Variants in MAPKAP1 observed in about 807,000 individuals in gnomAD.
The protein encoded by MAPKAP1 is target of rapamycin complex 2 subunit MAPKAP1.
In MAPKAP1, 20 loss-of-function variants were observed where a neutral mutation model predicts 65.7. The ratio of observed to expected loss-of-function variants is 0.30; its 90% CI spans 0.21 to 0.44. The LOEUF is 0.44. MAPKAP1 is among the 20% of genes least tolerant of loss of function. MAPKAP1 has a pLI of 1.00. For missense variants in MAPKAP1, 423 were observed against 648.0 expected, an observed-to-expected ratio of 0.65 and a Z score of 3.77; for synonymous variants, 222 against 244.3, an observed-to-expected ratio of 0.91 and a Z score of 0.85.
At chr9:125,458,878 C>A (rs1489859863) in intron 10 of MAPKAP1, among the ~76,000 whole-genome samples, 1 of 1,574 alleles carries the variant, frequency 6.4e-4, no homozygotes, top group Non-Finnish European at 1.1e-3. Context: ...CGGACGGGGC[C>A]GCTGGCCGGG....
intron 1 of MAPKAP1, among the ~76,000 whole-genome samples, chr9:125,675,848 T>C (rs117057358): frequency 0.017 from 2,548 of 152,308 alleles, 28 homozygotes; most frequent in Non-Finnish European, 0.029. Context: ...TGATTATAAA[T>C]AAAGGATTGT....
At chr9:125,596,892 T>A (rs1266273495) in intron 4 of MAPKAP1, among the ~76,000 whole-genome samples, 3 of 151,918 alleles carry the variant, frequency 2.0e-5, no homozygotes, top group Admixed American at 2.0e-4. Flanking sequence ...TTAATGTAGA[T>A]TTCTTTTTTG....
intron 7 of MAPKAP1, among the ~76,000 whole-genome samples, chr9:125,524,673 A>C (rs570712235): frequency 2.0e-5 from 3 of 152,322 alleles, no homozygotes; most frequent in Non-Finnish European, 4.4e-5. Context: ...TAGATCTATT[A>C]TCTGGGAGCT....
intron 4 of MAPKAP1, among the ~76,000 whole-genome samples, chr9:125,625,915 T>C (rs927013423): frequency 4.6e-5 from 7 of 152,186 alleles, no homozygotes; most frequent in Middle Eastern, 6.3e-3. Context: ...GTCTGAAAAA[T>C]AGGCTACATT....
chr9:125,492,729 A>G (rs767673996), intron 8 of MAPKAP1, among the ~76,000 whole-genome samples: 1 of 152,210 alleles, frequency 6.6e-6, no homozygotes, highest in Non-Finnish European at 1.5e-5. Flanking sequence ...AAAGGCCCCA[A>G]TCTAGTTATA....
At position 125,657,767 on chromosome 9, in the gene MAPKAP1, A is replaced by AT. The variant is rs1834072479; in HGVS notation, c.381dup (p.Ser128IlefsTer28). ...GAAATTGGAGGCTTCTCTTTGAGAG[A>AT]TTTTTTTTCAAACAGTGACTTTAAC... On this transcript the variant is annotated frameshift_variant, in exon 4 of 12. Coordinates refer to ENST00000265960, the MANE Select transcript of MAPKAP1 (RefSeq NM_001006617.3). LOFTEE classifies it high-confidence loss of function. The AT allele has an allele frequency of 2.5e-6, 4 of 1,613,618 alleles. No homozygotes were observed. The highest frequency in any genetic ancestry group is 1.3e-5 in the African/African-American group (1 of 74,968).
At chr9:125,646,472 C>CA (rs1833728798) in intron 4 of MAPKAP1, among the ~76,000 whole-genome samples, 1 of 152,146 alleles carries the variant, frequency 6.6e-6, no homozygotes, top group South Asian at 2.1e-4. Context: ...GAGGACTGAA[C>CA]AAATTGCTAC....
At chr9:125,654,201 A>G (rs1253278799) in intron 4 of MAPKAP1, among the ~76,000 whole-genome samples, 1 of 152,200 alleles carries the variant, frequency 6.6e-6, no homozygotes, top group Non-Finnish European at 1.5e-5. Context: ...CTCTTGTCAC[A>G]ACCAACAGTT....
At chr9:125,602,105 T>C (rs896613868) in intron 4 of MAPKAP1, among the ~76,000 whole-genome samples, 7 of 151,818 alleles carry the variant, frequency 4.6e-5, no homozygotes, top group Non-Finnish European at 1.0e-4. Flanking sequence ...ATTTAAAAAT[T>C]AGACAGGTGT....
chr9:125,633,895 T>G (rs1833355375), intron 4 of MAPKAP1, among the ~76,000 whole-genome samples: 1 of 152,244 alleles, frequency 6.6e-6, no homozygotes, highest in Non-Finnish European at 1.5e-5. Context: ...TAATTATATC[T>G]TTGCATTCAA....
intron 7 of MAPKAP1, among the ~76,000 whole-genome samples, chr9:125,530,347 T>A (rs1363452805): frequency 6.6e-6 from 1 of 152,226 alleles, no homozygotes; most frequent in East Asian, 1.9e-4. Flanking sequence ...TGTCTGTAAT[T>A]ATAGAATCAT....
At chr9:125,543,938 C>CA (rs1414058815) in intron 6 of MAPKAP1, among the ~76,000 whole-genome samples, 4 of 152,104 alleles carry the variant, frequency 2.6e-5, no homozygotes, top group Non-Finnish European at 5.9e-5. Flanking sequence ...TGTGGGGCCG[C>CA]AGGGCAGTAA....
At chr9:125,577,349 G>C (rs2131555962) in intron 5 of MAPKAP1, among the ~76,000 whole-genome samples, 1 of 151,542 alleles carries the variant, frequency 6.6e-6, no homozygotes, top group African/African-American at 2.4e-5. Context: ...TAAGTGAGGA[G>C]CGTCTCCGCC....
rs143652031 is a variant in MAPKAP1, at chr9:125,695,537, A to G, written c.-70+11434T>C. The stretch of plus-strand genomic sequence containing the variant: ...AATGCTTTGGACAGAAGTAGTTTAC[A>G]AAAGAAACATCTTGCCTGATATTTT... On this transcript the variant is annotated intron_variant, in intron 1 of 11. Coordinates refer to ENST00000265960, the MANE Select transcript of MAPKAP1 (RefSeq NM_001006617.3). Among the ~76,000 whole-genome samples the G allele has an allele frequency of 2.9e-3, 442 of 152,334 alleles. 4 individuals carry two copies. Among genetic ancestry groups the G allele is most frequent in the South Asian group, 0.012 (57 of 4,830 alleles).
intron 11 of MAPKAP1, among the ~76,000 whole-genome samples, 194 bp downstream of exon 11, chr9:125,444,307 G>A (rs576966584): frequency 7.2e-5 from 11 of 152,340 alleles, no homozygotes; most frequent in African/African-American, 2.2e-4. Flanking sequence ...GCAGCTGAGC[G>A]GGGGCTGGTG....
rs79831363 is a variant in MAPKAP1, at chr9:125,700,410, A to G, written c.-70+6561T>C. Among the ~76,000 whole-genome samples the G allele has an allele frequency of 4.1e-3, 621 of 152,364 alleles. 6 individuals are homozygous for G. Among genetic ancestry groups the G allele is most frequent in the African/African-American group, 0.014 (587 of 41,584 alleles). On this transcript the variant is annotated intron_variant, in intron 1 of 11. Transcript: ENST00000265960. ...TATATTCATAAAAGTATACTCACGTATAGGATATTAAGAATCTAACACTGC... is the reference window on the plus strand; with the variant it reads ...TATATTCATAAAAGTATACTCACGTGTAGGATATTAAGAATCTAACACTGC...
chr9:125,622,959 G>A (rs144979578), intron 4 of MAPKAP1, among the ~76,000 whole-genome samples: 1,709 of 152,240 alleles, frequency 0.011, 36 homozygotes, highest in African/African-American at 0.039. Flanking sequence ...GGCACGCGCC[G>A]CCACACCTGA....
intron 1 of MAPKAP1, among the ~76,000 whole-genome samples, chr9:125,685,286 T>C (rs1218531331): frequency 6.6e-6 from 1 of 152,022 alleles, no homozygotes; most frequent in Admixed American, 6.5e-5. Context: ...GTAAATGAAA[T>C]AGTCAAGGAA....
chr9:125,655,810 G>T (rs910326246), intron 4 of MAPKAP1, among the ~76,000 whole-genome samples: 6 of 152,210 alleles, frequency 3.9e-5, no homozygotes, highest in African/African-American at 1.2e-4. Context: ...TGACTGCTCT[G>T]CACTCACATC....
Sources: gnomAD v4.1 joint callset for allele counts (sites outside exome capture counted in the v4.1 genomes callset) on GRCh38, gnomAD v4.1.1 for gene constraint, MANE v1.5 for transcripts, NCBI Gene and HGNC (gene_info 2026-07-23, HGNC 2026-07-21) for gene names.